REN: variants seen among roughly 807,000 people sequenced by gnomAD.
REN encodes the protein angiotensin-forming enzyme.
Under a neutral mutation model 48.6 loss-of-function variants are expected in REN, and 42 were observed. The observed-to-expected ratio is 0.86, with a 90% CI of 0.68 to 1.12. The LOEUF is 1.12. Among genes scored for constraint, REN ranks in the 50% most tolerant of loss-of-function variants. The probability of loss-of-function intolerance (pLI) is 0.00; values close to 1 mark genes in which losing one functional copy is unlikely to be tolerated. For missense variants in REN, 443 were observed against 527.3 expected, an observed-to-expected ratio of 0.84 and a Z score of 1.57; for synonymous variants, 196 against 204.6, an observed-to-expected ratio of 0.96 and a Z score of 0.36.
intron 1 of REN, among the ~76,000 whole-genome samples, chr1:204,165,901 T>C (rs529956178): frequency 7.6e-4 from 116 of 152,292 alleles, no homozygotes; most frequent in African/African-American, 2.7e-3. Flanking sequence ...CATGCCCTTC[T>C]TAATATTCAG....
intron 1 of REN, 140 bp from the exon 2 acceptor site, chr1:204,162,303 G>A: frequency 1.1e-6 from 1 of 874,648 alleles, no homozygotes; most frequent in Non-Finnish European, 1.8e-6. Flanking sequence ...CTCTGTCGCT[G>A]AGGGCCTCTG....
At chr1:204,162,370 G>A (rs971420828) in intron 1 of REN, among the ~76,000 whole-genome samples, 6 of 149,762 alleles carry the variant, frequency 4.0e-5, no homozygotes, top group Non-Finnish European at 7.4e-5. Flanking sequence ...TCAGCTGCCC[G>A]GGGATTAAAT....
In REN at chr1:204,155,196, G is replaced by A; in HGVS notation, c.1060-19C>T. ...AGGATTCCTGGCAGGAAGGGGGAGA[G>A]TTTCTCCATACCCAGCACATGAGCA... is the stretch of plus-strand genomic sequence containing the variant. On this transcript the variant is annotated intron_variant, in intron 9 of 9. Coordinates refer to ENST00000272190, the MANE Select transcript of REN (RefSeq NM_000537.4). 5.0e-6 allele frequency: 8 copies of A among 1,613,828 alleles called. No homozygotes were observed. Among genetic ancestry groups the A allele is most frequent in the Non-Finnish European group, 6.8e-6 (8 of 1,179,772 alleles).
At chr1:204,162,273 C>G in intron 1 of REN, 110 bp from the exon 2 acceptor site, 1 of 1,186,684 alleles carries the variant, frequency 8.4e-7, no homozygotes, top group East Asian at 2.5e-5. Flanking sequence ...TTAACGTTAG[C>G]CCAGCCACCT....
Position 204,159,712 on chromosome 1 carries a change from G to C in REN, c.493-117C>G, listed in dbSNP as rs76127380. On this transcript the variant is annotated intron_variant, in intron 4 of 9. Transcript: ENST00000272190. The stretch of plus-strand genomic sequence containing the variant: ...ACACATGCTCCAGGGTACAGAAATC[G>C]GGGTAAGAGTATTTCCTCAACCCTG... 56 of 864,058 alleles carry C rather than the reference G, an allele frequency of 6.5e-5. No individual in the cohort carries two copies. In the East Asian group the frequency reaches 1.4e-3, roughly 21 times the overall value. 53.5% of individuals were successfully genotyped at this position (864,058 alleles called of 1,614,324 possible).
chr1:204,159,362 G>T, intron 5 of REN, 37 bp downstream of exon 5: 1 of 1,585,404 alleles, frequency 6.3e-7, no homozygotes. Context: ...CTCCCCTCCT[G>T]TCCCCCCACC....
chr1:204,155,279 G>T, intron 9 of REN, 102 bp from the exon 10 acceptor site: 2 of 1,367,884 alleles, frequency 1.5e-6, no homozygotes, highest in Non-Finnish European at 1.0e-6. Context: ...TCCCCCTCTC[G>T]CCCCCATCTC....
chr1:204,154,905 A>G lies in REN; in HGVS notation c.*111T>C. 1.6e-6 allele frequency: 2 copies of G among 1,280,952 alleles called. No individual in the cohort carries two copies. Among genetic ancestry groups the G allele is most frequent in the Non-Finnish European group, 2.2e-6 (2 of 901,404 alleles). The allele number at this position is 1,280,952 out of a possible 1,614,324, so 79.3% of individuals were successfully genotyped here. A position where few individuals can be genotyped will look rare whatever the true frequency, so the allele number is the denominator to read the frequency against. On this transcript the variant is annotated 3_prime_UTR_variant, in exon 10 of 10. Transcript: ENST00000272190. ...AGGGCACGCATCCAGCAGGAGCTCC[A>G]CATCCAATGTCTCCATCTGAGGGCA... is the stretch of plus-strand genomic sequence containing the variant.
Position 204,156,055 on chromosome 1 carries a change from G to A in REN, c.960+123C>T. ...CCGCCCCATGGGTGACCAGCCACAT[G>A]TGTGGAGAGTGTGAGGTGAACAAGC... On this transcript the variant is annotated intron_variant, in intron 8 of 9. Coordinates refer to ENST00000272190, the MANE Select transcript of REN (RefSeq NM_000537.4). The surrounding 1 kb of genome is among the most constrained non-coding windows in gnomAD (Gnocchi z 4.2). The A allele has an allele frequency of 6.7e-7, 1 of 1,490,820 alleles. No individual in the cohort carries two copies. The highest frequency in any genetic ancestry group is 1.1e-5 in the South Asian group (1 of 88,204). The allele number at this position is 1,490,820 out of a possible 1,614,324, so 92.3% of individuals were successfully genotyped here. A position where few individuals can be genotyped will look rare whatever the true frequency, so the allele number is the denominator to read the frequency against.
At chr1:204,166,134 G>T in intron 1 of REN, 62 bp downstream of exon 1, 1 of 1,368,736 alleles carries the variant, frequency 7.3e-7, no homozygotes, top group Non-Finnish European at 1.0e-6. Flanking sequence ...AAAAGCCAGG[G>T]TGTTGGGAAG....
At chr1:204,161,207 G>T in intron 3 of REN, 85 bp downstream of exon 3, 2 of 1,439,566 alleles carry the variant, frequency 1.4e-6, no homozygotes, top group Non-Finnish European at 1.9e-6. Flanking sequence ...TGGCAAGAGG[G>T]ATGGGAGCTG....
Position 204,159,145 on chromosome 1 carries a change from C to T in REN, c.689+254G>A, listed in dbSNP as rs11571085. On this transcript the variant is annotated intron_variant, in intron 5 of 9. Coordinates refer to ENST00000272190, the MANE Select transcript of REN (RefSeq NM_000537.4). ...TCATAAGACTGTAGTTACTAGCCACCGTGGCTGCCAGGCATTTGACGTGTG... is the reference window on the plus strand; with the variant it reads ...TCATAAGACTGTAGTTACTAGCCACTGTGGCTGCCAGGCATTTGACGTGTG... 0.048 allele frequency among the ~76,000 whole-genome samples: 7,356 copies of T among 152,244 alleles called. 210 individuals are homozygous for T. The highest frequency in any genetic ancestry group is 0.054 in the Non-Finnish European group (3,650 of 68,022).
In REN at chr1:204,160,610, G is replaced by A. The variant is rs191049685; in HGVS notation, c.442C>T (p.Arg148Cys). 35 of 1,614,194 alleles carry A rather than the reference G, an allele frequency of 2.2e-5. No individual in the cohort carries two copies. Among genetic ancestry groups the A allele is most frequent in the East Asian group, 1.6e-4 (7 of 44,886 alleles). The change falls in exon 4 of 10, where the codon CGC (arginine) becomes TGC (cysteine). Residue 148 changes from arginine (R) to cysteine (C), a missense_variant. By Grantham distance (180) the Arg-to-Cys change is radical. Coordinates refer to ENST00000272190, the MANE Select transcript of REN (RefSeq NM_000537.4). Reference protein sequence around the residue: ...YKHNGTELTLRYSTGTVSGFL... With the variant: ...YKHNGTELTLCYSTGTVSGFL... ...CCACTGACTGTCCCTGTTGAATAGC[G>A]GAGGGTGAGTTCTGTTCCATTGTGC... is the stretch of plus-strand genomic sequence containing the variant.
At chr1:204,159,279 A>G in intron 5 of REN, 120 bp downstream of exon 5, 3 of 845,268 alleles carry the variant, frequency 3.5e-6, no homozygotes, top group Non-Finnish European at 6.0e-6. Context: ...AGCTCTAGAT[A>G]TTGATTGGCT....
chr1:204,159,206 A>G (rs1658200405), intron 5 of REN, 193 bp downstream of exon 5: 3 of 672,492 alleles, frequency 4.5e-6, no homozygotes, highest in Non-Finnish European at 8.0e-6. Context: ...TGAATGCTTA[A>G]TTGATGCTTA....
At chr1:204,160,246 G>A (rs1658218359) in intron 4 of REN, among the ~76,000 whole-genome samples, 1 of 152,232 alleles carries the variant, frequency 6.6e-6, no homozygotes, top group Non-Finnish European at 1.5e-5. Flanking sequence ...CTAGGGTGTA[G>A]CCCAGTCAGA....
chr1:204,156,336 TCAGACAGACAGA>T lies in REN; in HGVS notation c.819-29_819-18del. On this transcript the variant is annotated intron_variant, in intron 7 of 9. Transcript: ENST00000272190. This position sits in a 1 kb window ranked among gnomAD's most constrained non-coding sequence, Gnocchi z 4.2. The stretch of plus-strand genomic sequence containing the variant: ...ACAGACACCCTGGGGGAGGCCACAG[TCAGACAGACAGA>T]CAGACAGACAGACAGAAGGCTGATG... The T allele has an allele frequency of 4.4e-6, 7 of 1,587,780 alleles. No individual in the cohort carries two copies. The highest frequency in any genetic ancestry group is 1.1e-5 in the South Asian group (1 of 90,530).
At chr1:204,164,565 CTTTTTTTTTTTT>C (rs748060874) in intron 1 of REN, among the ~76,000 whole-genome samples, 1 of 93,714 alleles carries the variant, frequency 1.1e-5, no homozygotes, top group Non-Finnish European at 1.9e-5. Flanking sequence ...CTTCTTCAGT[CTTTTTTTTTTTT>C]TTTTTTTTTT....
chr1:204,155,172 G>C lies in REN; in HGVS notation c.1065C>G (p.Ser355=). The change falls in exon 10 of 10, where the codon TCC becomes TCG. Residue 355 remains serine, a synonymous_variant. Transcript: ENST00000272190. ...GTGTGCACAGCTTTTTACTACTGTAGGATTCCTGGCAGGAAGGGGGAGAGT... is the reference window on the plus strand; with the variant it reads ...GTGTGCACAGCTTTTTACTACTGTACGATTCCTGGCAGGAAGGGGGAGAGT... ...LTSADYVFQE[S]YSSKKLCTLA... The C allele has an allele frequency of 6.2e-7, 1 of 1,614,108 alleles. No homozygotes were observed. Among genetic ancestry groups the C allele is most frequent in the Non-Finnish European group, 8.5e-7 (1 of 1,179,970 alleles).
Sources: allele counts gnomAD v4.1 joint callset (sites outside exome capture counted in the v4.1 genomes callset), GRCh38; gene constraint gnomAD v4.1.1; non-coding constraint Gnocchi (gnomAD v3.1); transcripts MANE v1.5; gene names NCBI Gene and HGNC (gene_info 2026-07-23, HGNC 2026-07-21).